COL4A6: variants seen among roughly 807,000 people sequenced by gnomAD.
COL4A6 encodes the protein collagen type IV alpha 6 chain, also known as collagen alpha-6(IV) chain.
COL4A6 carries 59 observed loss-of-function variants against 126.7 expected under a neutral mutation model. That is an observed-to-expected ratio of 0.47 (90% CI 0.38 to 0.58). COL4A6 has a LOEUF of 0.58. Ranked by LOEUF, COL4A6 falls within the 20% of genes least tolerant of loss-of-function variation. The probability of loss-of-function intolerance (pLI) is 0.00; values close to 1 mark genes in which losing one functional copy is unlikely to be tolerated. For synonymous variants in COL4A6, 547 were observed against 496.6 expected (o/e 1.10, Z -1.35); for missense variants, 1,285 against 1,337.3 (o/e 0.96, Z 0.61).
chrX:108,355,647 C>G (rs1017966903), intron 2 of COL4A6, among the ~76,000 whole-genome samples: 1 of 111,864 alleles, frequency 8.9e-6, no homozygotes, highest in Non-Finnish European at 1.9e-5. Context: ...GAGGGACCTA[C>G]TTTAGATTGG....
intron 3 of COL4A6, among the ~76,000 whole-genome samples, chrX:108,261,540 C>A (rs747184955): frequency 2.0e-4 from 22 of 111,471 alleles, no homozygotes; most frequent in Non-Finnish European, 3.8e-5. Context: ...GCTTCTGTGG[C>A]CCCTGCTCAT....
intron 2 of COL4A6, among the ~76,000 whole-genome samples, chrX:108,374,304 T>C (rs2040390267): frequency 8.9e-6 from 1 of 112,174 alleles, no homozygotes; most frequent in Non-Finnish European, 1.9e-5. Context: ...CACTTAATTT[T>C]CAAATCACCT....
At chrX:108,255,750 A>G (rs1343730178) in intron 3 of COL4A6, among the ~76,000 whole-genome samples, 6 of 111,165 alleles carry the variant, frequency 5.4e-5, no homozygotes, top group Admixed American at 9.7e-5. Flanking sequence ...TTCAACTCCA[A>G]GCTCTTATGA....
intron 2 of COL4A6, among the ~76,000 whole-genome samples, chrX:108,395,189 G>C (rs894055567): frequency 6.0e-4 from 67 of 111,717 alleles, no homozygotes; most frequent in African/African-American, 1.9e-3. Context: ...TCAAGGGCAA[G>C]AGTACCTTTT....
chrX:108,164,864 C>T lies in COL4A6; in HGVS notation c.3970+13G>A, dbSNP rs375109347. ...AGTGGGGAAGGGCCCAGCAGCCAGCCGAGCAGCCGTACCTTTCAGTCCTAG... is the reference window on the plus strand; with the variant it reads ...AGTGGGGAAGGGCCCAGCAGCCAGCTGAGCAGCCGTACCTTTCAGTCCTAG... On this transcript the variant is annotated intron_variant, in intron 39 of 44. Transcript: ENST00000334504. 18 of 1,192,590 alleles carry T rather than the reference C, an allele frequency of 1.5e-5. No individual in the cohort carries two copies. The African/African-American group carries it at 2.8e-4, about 19-fold the overall frequency.
chrX:108,391,596 G>A lies in COL4A6; in HGVS notation c.63+46346C>T, dbSNP rs772683800. On this transcript the variant is annotated intron_variant, in intron 2 of 44. Coordinates refer to ENST00000334504, the MANE Select transcript of COL4A6 (RefSeq NM_033641.4). Reference sequence around the variant, plus strand: ...TAGCAGCAAGAATTTCAAGCCAGTGGATCTTAGCTTGTTGGGCTCTGTGGG... The same window carrying A: ...TAGCAGCAAGAATTTCAAGCCAGTGAATCTTAGCTTGTTGGGCTCTGTGGG... Among the ~76,000 whole-genome samples, 193 of 112,346 alleles carry A rather than the reference G, an allele frequency of 1.7e-3. 1 individual carries two copies. Among genetic ancestry groups the A allele is most frequent in the Non-Finnish European group, 2.8e-3 (150 of 53,220 alleles).
chrX:108,362,039 A>G (rs760877812), intron 2 of COL4A6, among the ~76,000 whole-genome samples: 9 of 110,517 alleles, frequency 8.1e-5, no homozygotes, highest in Non-Finnish European at 1.5e-4. Context: ...CTAGATCTCA[A>G]TTCCATCAAA....
intron 2 of COL4A6, among the ~76,000 whole-genome samples, chrX:108,417,436 T>C (rs1419897214): frequency 8.9e-6 from 1 of 112,174 alleles, no homozygotes; most frequent in Non-Finnish European, 1.9e-5. Context: ...TTAATGTACA[T>C]AGAATGGCCT....
At position 108,205,644 on chromosome X, in the gene COL4A6, G is replaced by A; in HGVS notation, c.645+16C>T. On this transcript the variant is annotated intron_variant, in intron 10 of 44. Transcript: ENST00000334504. ...AGGAGTAGGAAGCAAAATGCCCTAA[G>A]ACAAAGTATACTTACATCAGGACCA... 1 of 1,205,688 alleles carries A rather than the reference G, an allele frequency of 8.3e-7. No homozygotes were observed. The highest frequency in any genetic ancestry group is 1.1e-6 in the Non-Finnish European group (1 of 891,899).
chrX:108,290,647 G>A (rs778188085), intron 3 of COL4A6, among the ~76,000 whole-genome samples: 1 of 112,592 alleles, frequency 8.9e-6, no homozygotes, highest in African/African-American at 3.2e-5. Flanking sequence ...AATGTAGTAT[G>A]TGCTTAATAC....
intron 2 of COL4A6, among the ~76,000 whole-genome samples, chrX:108,365,042 T>C (rs2040166918): frequency 9.0e-6 from 1 of 111,320 alleles, no homozygotes; most frequent in Non-Finnish European, 1.9e-5. Context: ...ATTTAGTGTG[T>C]ATGTGCGCAT....
At chrX:108,194,901 T>C (rs2035163036) in intron 15 of COL4A6, among the ~76,000 whole-genome samples, 181 bp downstream of exon 15, 1 of 111,684 alleles carries the variant, frequency 9.0e-6, no homozygotes, top group South Asian at 3.8e-4. Flanking sequence ...AATTTGACAC[T>C]GGATACCCAT....
At chrX:108,197,100 A>C (rs1403124124) in intron 13 of COL4A6, among the ~76,000 whole-genome samples, 1 of 111,711 alleles carries the variant, frequency 9.0e-6, no homozygotes, top group Non-Finnish European at 1.9e-5. Context: ...TGAGCACAAC[A>C]TCCTTTTCAG....
chrX:108,199,477 G>A (rs1486405121), intron 13 of COL4A6, among the ~76,000 whole-genome samples: 3 of 111,243 alleles, frequency 2.7e-5, no homozygotes, highest in Non-Finnish European at 5.7e-5. Flanking sequence ...TGCCAAAGTG[G>A]GCTGAGAACT....
intron 3 of COL4A6, among the ~76,000 whole-genome samples, chrX:108,238,188 C>A (rs1162876794): frequency 9.4e-6 from 1 of 106,570 alleles, no homozygotes; most frequent in Non-Finnish European, 1.9e-5. Context: ...CTCACTGCAA[C>A]CTCCAGCTCC....
chrX:108,397,580 A>C (rs1257931814), intron 2 of COL4A6, among the ~76,000 whole-genome samples: 2 of 109,016 alleles, frequency 1.8e-5, no homozygotes, highest in East Asian at 5.8e-4. Context: ...TTAATGGAAG[A>C]TATTCAGGAC....
At chrX:108,258,436 G>C (rs1479424411) in intron 3 of COL4A6, among the ~76,000 whole-genome samples, 4 of 111,862 alleles carry the variant, frequency 3.6e-5, no homozygotes, top group Non-Finnish European at 7.5e-5. Context: ...GGGGGATCAG[G>C]CCTATCTTAC....
chrX:108,197,372 C>T (rs937843440), intron 13 of COL4A6, among the ~76,000 whole-genome samples: 1 of 111,992 alleles, frequency 8.9e-6, no homozygotes, highest in Non-Finnish European at 1.9e-5. Flanking sequence ...TCTGGGCCCC[C>T]AAGATACAGA....
chrX:108,383,319 C>A, intron 2 of COL4A6: 4 of 225,297 alleles, frequency 1.8e-5, no homozygotes, highest in South Asian at 1.1e-4. Flanking sequence ...AAGGGTCAAC[C>A]CATCAGAAAG....
Sources: gnomAD v4.1 joint callset for allele counts (sites outside exome capture counted in the v4.1 genomes callset) on GRCh38, gnomAD v4.1.1 for gene constraint, MANE v1.5 for transcripts, NCBI Gene and HGNC (gene_info 2026-07-23, HGNC 2026-07-21) for gene names.